CDKL1: variants seen among roughly 807,000 people sequenced by gnomAD.
CDKL1 encodes cyclin-dependent kinase-like 1.
Under a neutral mutation model 42.0 loss-of-function variants are expected in CDKL1, and 41 were observed. The ratio of observed to expected loss-of-function variants is 0.98; its 90% CI spans 0.76 to 1.27. The LOEUF is 1.27. Among genes scored for constraint, CDKL1 ranks in the 50% most tolerant of loss-of-function variants. The probability of loss-of-function intolerance (pLI) is 0.00; values close to 1 mark genes in which losing one functional copy is unlikely to be tolerated. For synonymous variants in CDKL1, 153 were observed against 158.6 expected (o/e 0.96, Z 0.26); for missense variants, 394 against 428.4 (o/e 0.92, Z 0.71).
intron 4 of CDKL1, 24 bp downstream of exon 4, chr14:50,344,962 T>C: frequency 6.2e-7 from 1 of 1,601,804 alleles, no homozygotes; most frequent in Non-Finnish European, 8.6e-7. Flanking sequence ...CTTGTTGCTT[T>C]TCAAAAGAGA....
In CDKL1 at chr14:50,326,414, A is replaced by G; in HGVS notation, c.*3660T>C. 1.0e-6 allele frequency: 1 copy of G among 970,540 alleles called. No homozygotes were observed. Among genetic ancestry groups the G allele is most frequent in the Non-Finnish European group, 1.2e-6 (1 of 816,382 alleles). 60.1% of individuals were successfully genotyped at this position (970,540 alleles called of 1,614,324 possible). ...TTTAAAGTTAGTGAAGCATACTACC[A>G]TAAATGCACAATTATGAAAAATTAG... On this transcript the variant is annotated 3_prime_UTR_variant, in exon 10 of 10. Coordinates refer to ENST00000395834, the MANE Select transcript of CDKL1 (RefSeq NM_004196.7).
intron 2 of CDKL1, among the ~76,000 whole-genome samples, chr14:50,387,726 A>G (rs1295247374): frequency 1.3e-5 from 2 of 152,190 alleles, no homozygotes; most frequent in African/African-American, 4.8e-5. Context: ...TCCATAATCC[A>G]TAACAGAAAA....
At chr14:50,389,069 AGCCT>A (rs1289679312) in intron 2 of CDKL1, among the ~76,000 whole-genome samples, 2 of 139,626 alleles carry the variant, frequency 1.4e-5, no homozygotes, top group Non-Finnish European at 3.0e-5. Context: ...ATTGCACTCC[AGCCT>A]GGGCAGCAGA....
chr14:50,376,965 G>A (rs1160202913), intron 2 of CDKL1, among the ~76,000 whole-genome samples: 2 of 152,188 alleles, frequency 1.3e-5, no homozygotes, highest in Non-Finnish European at 2.9e-5. Flanking sequence ...ATCTGAAGAA[G>A]GTAAAGGTCT....
chr14:50,397,014 A>G, upstream of CDKL1: 1 of 1,145,322 alleles, frequency 8.7e-7, no homozygotes. Flanking sequence ...GCTGCAGGGA[A>G]AGGCCTCGGA....
At chr14:50,338,887 A>G (rs1468736891) in intron 7 of CDKL1, 60 bp downstream of exon 7, 1 of 1,087,694 alleles carries the variant, frequency 9.2e-7, no homozygotes, top group Non-Finnish European at 1.4e-6. Context: ...CAGGAGGTGA[A>G]TAACAACCAA....
chr14:50,336,797 A>T (rs1306425756), intron 7 of CDKL1, among the ~76,000 whole-genome samples: 5 of 151,544 alleles, frequency 3.3e-5, no homozygotes, highest in African/African-American at 9.7e-5. Context: ...CCAAAATCCC[A>T]CCCAAAAGAG....
chr14:50,340,887 A>T, intron 6 of CDKL1, 145 bp downstream of exon 6: 1 of 753,454 alleles, frequency 1.3e-6, no homozygotes, highest in Non-Finnish European at 2.1e-6. Flanking sequence ...CCTTTAATGG[A>T]GTCATTTAAA....
chr14:50,351,028 C>T (rs193090388), intron 3 of CDKL1, among the ~76,000 whole-genome samples: 81 of 152,232 alleles, frequency 5.3e-4, no homozygotes, highest in Middle Eastern at 3.4e-3. Flanking sequence ...AATTTTGTTT[C>T]ACCCCCCAGG....
intron 2 of CDKL1, among the ~76,000 whole-genome samples, chr14:50,386,882 C>G (rs1461018423): frequency 6.6e-6 from 1 of 151,824 alleles, no homozygotes; most frequent in Non-Finnish European, 1.5e-5. Context: ...CAAAAACCAG[C>G]CAGGTGTGGT....
chr14:50,380,526 C>T (rs1246839326), intron 2 of CDKL1, among the ~76,000 whole-genome samples: 3 of 152,260 alleles, frequency 2.0e-5, no homozygotes, highest in African/African-American at 4.8e-5. Context: ...GCAGTTCACA[C>T]TCACTGTCCT....
In CDKL1 at chr14:50,329,972, G is replaced by A. The variant is rs1194711562; in HGVS notation, c.*102C>T. The A allele has an allele frequency of 2.2e-6, 3 of 1,366,334 alleles. No homozygotes were observed. Among genetic ancestry groups the A allele is most frequent in the East Asian group, 2.7e-5 (1 of 36,874 alleles). 84.6% of individuals were successfully genotyped at this position (1,366,334 alleles called of 1,614,324 possible). On this transcript the variant is annotated 3_prime_UTR_variant, in exon 10 of 10. Coordinates refer to ENST00000395834, the MANE Select transcript of CDKL1 (RefSeq NM_004196.7). ...AGTTTCTTGCTTATGTTTTCTCCTG[G>A]TGTGTTTTCAACATTGTAATTGTTT...
rs767405523 is a variant in CDKL1, at chr14:50,359,139, T to A, written c.179A>T (p.His60Leu). The change falls in exon 3 of 10, where the codon CAT becomes CTT. Residue 60 changes from histidine (H) to leucine (L), a missense_variant. Transcript: ENST00000395834. Reference protein sequence around the residue: ...REIRMLKQLKHPNLVNLLEVF... With the variant: ...REIRMLKQLKLPNLVNLLEVF... ...TTCCAGGAGGTTAACAAGGTTGGGA[T>A]GCTTGAGTTGCTGAAAACACAAAAA... 2.3e-5 allele frequency: 37 copies of A among 1,606,150 alleles called. 2 individuals are homozygous for A. The South Asian group carries it at 3.7e-4, about 16-fold the overall frequency.
intron 3 of CDKL1, 38 bp downstream of exon 3, chr14:50,358,988 AGT>A (rs1283428001): frequency 5.7e-6 from 9 of 1,583,088 alleles, no homozygotes; most frequent in Non-Finnish European, 8.6e-7. Context: ...CACAAATCCC[AGT>A]GTGTCTTTGT....
At chr14:50,397,027 G>T, upstream of CDKL1, 2 of 1,243,214 alleles carry the variant, frequency 1.6e-6, no homozygotes, top group South Asian at 1.3e-5. Context: ...GCCTCGGAGG[G>T]CCGCCCTCCG....
chr14:50,338,976 C>A lies in CDKL1; in HGVS notation c.709G>T (p.Gly237Ter). The A allele has an allele frequency of 6.2e-7, 1 of 1,612,586 alleles. No homozygotes were observed. The highest frequency in any genetic ancestry group is 1.1e-5 in the South Asian group (1 of 91,048). Residue 237 changes from glycine (G) to a stop codon, truncating the protein, a stop_gained, in exon 7 of 10, where the codon GGA (glycine) becomes TGA (stop). Coordinates refer to ENST00000395834, the MANE Select transcript of CDKL1 (RefSeq NM_004196.7). LOFTEE classifies it high-confidence loss of function. ...TCTTCAGGGTCTGGAATTTTCACTC[C>A]ACTGAAGTACTGATTCGTGCTAAAC... ...QVFSTNQYFS[G>*]VKIPDPEDME... is the part of the protein sequence containing the mutation.
chr14:50,397,042 T>C (rs1235460768), upstream of CDKL1: 11 of 1,295,204 alleles, frequency 8.5e-6, no homozygotes, highest in South Asian at 8.6e-5. Context: ...CCTCCGTCCA[T>C]GGGAGCTGTC....
upstream of CDKL1, chr14:50,397,158 G>T (rs752827248): frequency 8.8e-6 from 12 of 1,366,242 alleles, no homozygotes; most frequent in African/African-American, 1.6e-4. Flanking sequence ...GGAGCAAGAC[G>T]CCTGCGCTAG....
chr14:50,385,348 C>T (rs61981929), intron 2 of CDKL1, among the ~76,000 whole-genome samples: 117 of 152,310 alleles, frequency 7.7e-4, no homozygotes, highest in South Asian at 5.4e-3. Context: ...TTACTGAAAA[C>T]ATTTAACCTG....
Sources: gnomAD v4.1 joint callset for allele counts (sites outside exome capture counted in the v4.1 genomes callset) on GRCh38, gnomAD v4.1.1 for gene constraint, MANE v1.5 for transcripts, NCBI Gene and HGNC (gene_info 2026-07-23, HGNC 2026-07-21) for gene names.